PDE2A: variants seen among roughly 807,000 people sequenced by gnomAD.
The protein encoded by PDE2A is phosphodiesterase 2A, also known as cGMP-dependent 3',5'-cyclic phosphodiesterase.
Under a neutral mutation model 133.6 loss-of-function variants are expected in PDE2A, and 53 were observed. The ratio of observed to expected loss-of-function variants is 0.40; its 90% CI spans 0.32 to 0.50. The LOEUF (loss-of-function observed/expected upper bound fraction) is 0.50. Among genes scored for constraint, PDE2A ranks in the 20% least tolerant of loss-of-function variants. The probability of loss-of-function intolerance (pLI) is 0.73; values close to 1 mark genes in which losing one functional copy is unlikely to be tolerated. For missense variants in PDE2A, 796 were observed against 1,232.4 expected, an observed-to-expected ratio of 0.65 and a Z score of 5.30; for synonymous variants, 491 against 490.2, an observed-to-expected ratio of 1.00 and a Z score of -0.02.
intron 25 of PDE2A, among the ~76,000 whole-genome samples, chr11:72,580,245 C>A (rs1232016527): frequency 6.6e-6 from 1 of 152,162 alleles, no homozygotes. Context: ...AGACCTTGTG[C>A]ACGAGGAGGT....
intron 19 of PDE2A, 32 bp downstream of exon 19, chr11:72,584,169 A>AAAAC: frequency 1.1e-6 from 1 of 877,942 alleles, no homozygotes; most frequent in Non-Finnish European, 1.8e-6. Context: ...GCCCCCTATC[A>AAAAC]CCCCACACCC....
At position 72,578,636 on chromosome 11, in the gene PDE2A, T is replaced by C; in HGVS notation, c.2470-122A>G. 1 of 885,596 alleles carries C rather than the reference T, an allele frequency of 1.1e-6. No homozygotes were observed. The highest frequency in any genetic ancestry group is 1.8e-6 in the Non-Finnish European group (1 of 548,432). 54.9% of individuals were successfully genotyped at this position (885,596 alleles called of 1,614,324 possible). A position where few individuals can be genotyped will look rare whatever the true frequency, so the allele number is the denominator to read the frequency against. Reference sequence around the variant, plus strand: ...GGATTCAGTCCCAGCTCAGGAGCCGTCCCCACCAGCCCCAGCTTGGCAGTG... The same window carrying C: ...GGATTCAGTCCCAGCTCAGGAGCCGCCCCCACCAGCCCCAGCTTGGCAGTG... On this transcript the variant is annotated intron_variant, in intron 28 of 30. Transcript: ENST00000334456. This position sits in a 1 kb window ranked among gnomAD's most constrained non-coding sequence, Gnocchi z 4.2.
chr11:72,627,013 C>T (rs2135408178), intron 2 of PDE2A, among the ~76,000 whole-genome samples: 1 of 152,164 alleles, frequency 6.6e-6, no homozygotes, highest in East Asian at 1.9e-4. Context: ...CCTAGCTGGT[C>T]CCTGGCTTCT....
At chr11:72,639,309 G>A (rs745781072) in intron 2 of PDE2A, among the ~76,000 whole-genome samples, 3 of 152,172 alleles carry the variant, frequency 2.0e-5, no homozygotes, top group African/African-American at 4.8e-5. Flanking sequence ...GAACTAAATC[G>A]AGGTCTTCCT....
chr11:72,584,890 C>G lies in PDE2A; in HGVS notation c.1341G>C (p.Gly447=), dbSNP rs201194860. 2.4e-4 allele frequency: 383 copies of G among 1,614,202 alleles called. No individual in the cohort carries two copies. Among genetic ancestry groups the G allele is most frequent in the Non-Finnish European group, 3.1e-4 (363 of 1,180,026 alleles). Residue 447 remains glycine (G), a synonymous_variant, in exon 17 of 31, where the codon GGG becomes GGC. Transcript: ENST00000334456. Reference sequence around the variant, plus strand: ...CTCTCACCTCATCATCCACCACGCCCCCGTCGAACACCTTGGCCACCAGCT... The same window carrying G: ...CTCTCACCTCATCATCCACCACGCCGCCGTCGAACACCTTGGCCACCAGCT... ...QNELVAKVFD[G]GVVDDESYEI...
intron 27 of PDE2A, 54 bp from the exon 28 acceptor site, chr11:72,579,063 G>T: frequency 1.5e-6 from 2 of 1,347,396 alleles, no homozygotes; most frequent in Non-Finnish European, 1.1e-6. Flanking sequence ...TTGCCCTTCT[G>T]AGGACAAGGC....
chr11:72,664,260 C>G (rs1420889538), intron 1 of PDE2A, among the ~76,000 whole-genome samples: 1 of 152,000 alleles, frequency 6.6e-6, no homozygotes, highest in Non-Finnish European at 1.5e-5. Flanking sequence ...TTCCCTTAAG[C>G]CTTCCCCATC....
At chr11:72,638,154 G>A (rs1463027035) in intron 2 of PDE2A, among the ~76,000 whole-genome samples, 4 of 152,162 alleles carry the variant, frequency 2.6e-5, no homozygotes, top group Non-Finnish European at 5.9e-5. Flanking sequence ...AGCAAGAAGT[G>A]CTGTCTTCTG....
chr11:72,641,616 G>GC (rs1026115881), intron 2 of PDE2A, among the ~76,000 whole-genome samples: 3 of 152,282 alleles, frequency 2.0e-5, no homozygotes, highest in Middle Eastern at 3.4e-3. Context: ...AAGAGGAGGG[G>GC]CCCCCCACGA....
At chr11:72,602,872 A>G (rs1184353359) in intron 4 of PDE2A, among the ~76,000 whole-genome samples, 1 of 152,168 alleles carries the variant, frequency 6.6e-6, no homozygotes, top group East Asian at 1.9e-4. Context: ...TCAAGTCCCC[A>G]TCCTGCTGGG....
chr11:72,671,622 G>A (rs554431302), intron 1 of PDE2A, among the ~76,000 whole-genome samples: 1 of 152,286 alleles, frequency 6.6e-6, no homozygotes, highest in South Asian at 2.1e-4. Flanking sequence ...ATGACTGCGG[G>A]GGGTGGGGGT....
At chr11:72,630,658 G>T (rs1386856378) in intron 2 of PDE2A, among the ~76,000 whole-genome samples, 1 of 151,948 alleles carries the variant, frequency 6.6e-6, no homozygotes, top group Non-Finnish European at 1.5e-5. Flanking sequence ...TCCTCCTGGT[G>T]GCCACGTGGA....
Position 72,580,980 on chromosome 11 carries a change from G to T in PDE2A, c.2046-7C>A, listed in dbSNP as rs769110894. On this transcript the variant is annotated splice_polypyrimidine_tract_variant and splice_region_variant and intron_variant, in intron 23 of 30. Transcript: ENST00000334456. ...GGCAAAGATCTCGATGTCCCTGGTTGAGAGGCAGAAAGGAGAAAAAAAAGA... is the reference window on the plus strand; with the variant it reads ...GGCAAAGATCTCGATGTCCCTGGTTTAGAGGCAGAAAGGAGAAAAAAAAGA... 83 of 1,600,620 alleles carry T rather than the reference G, an allele frequency of 5.2e-5. No homozygotes were observed. In the Admixed American group the frequency reaches 8.0e-4, roughly 15 times the overall value.
intron 13 of PDE2A, among the ~76,000 whole-genome samples, chr11:72,587,141 C>T (rs1047674125): frequency 6.6e-6 from 1 of 152,220 alleles, no homozygotes; most frequent in African/African-American, 2.4e-5. Context: ...ACTCTCTTCC[C>T]TCTATGCCCT....
chr11:72,590,500 C>CG lies in PDE2A; in HGVS notation c.629dup (p.Glu211GlyfsTer116). 2 of 1,513,704 alleles carry CG rather than the reference C, an allele frequency of 1.3e-6. No individual in the cohort carries two copies. The highest frequency in any genetic ancestry group is 8.8e-7 in the Non-Finnish European group (1 of 1,135,590). The allele number at this position is 1,513,704 out of a possible 1,614,324, so 93.8% of individuals were successfully genotyped here. ...CCTTCTGGTCTTCCGCCGTCCCCTC[C>CG]GGGGGGTTCTGGACGGCTCGGGGAG... On this transcript the variant is annotated frameshift_variant, in exon 8 of 31. Transcript: ENST00000334456. LOFTEE classifies it high-confidence loss of function. The surrounding 1 kb of genome is among the most constrained non-coding windows in gnomAD (Gnocchi z 4.8).
chr11:72,641,419 G>A (rs1858946895), intron 2 of PDE2A, among the ~76,000 whole-genome samples: 1 of 152,190 alleles, frequency 6.6e-6, no homozygotes, highest in Admixed American at 6.5e-5. Context: ...CAAGAGGAAG[G>A]GGTGGCTGCA....
chr11:72,590,429 C>G lies in PDE2A; in HGVS notation c.701G>C (p.Cys234Ser). 1 of 1,569,604 alleles carries G rather than the reference C, an allele frequency of 6.4e-7. No individual in the cohort carries two copies. The highest frequency in any genetic ancestry group is 8.6e-7 in the Non-Finnish European group (1 of 1,158,358). ...TDRDRKILQL[C>S]GELYDLDASS... ...ACCTGTCCAGGCCGGGCCCTCACCG[C>G]ACAGTTGGAGGATCTTGCGGTCGCG... The change falls in exon 8 of 31, where the codon TGC becomes TCC. Residue 234 changes from cysteine (C) to serine (S), a missense_variant and splice_region_variant. Coordinates refer to ENST00000334456, the MANE Select transcript of PDE2A (RefSeq NM_002599.5). This position sits in a 1 kb window ranked among gnomAD's most constrained non-coding sequence, Gnocchi z 4.8.
chr11:72,639,899 A>G (rs1029078296), intron 2 of PDE2A, among the ~76,000 whole-genome samples: 55 of 152,230 alleles, frequency 3.6e-4, no homozygotes, highest in African/African-American at 1.2e-3. Context: ...GCGTCACTCC[A>G]CAGACATTTA....
chr11:72,658,746 C>T (rs1231271539), intron 1 of PDE2A, among the ~76,000 whole-genome samples: 1 of 152,230 alleles, frequency 6.6e-6, no homozygotes, highest in East Asian at 1.9e-4. Flanking sequence ...TACTGAACAC[C>T]TACTTTGTGC....
Sources: gnomAD v4.1 joint callset for allele counts (sites outside exome capture counted in the v4.1 genomes callset) on GRCh38, gnomAD v4.1.1 for gene constraint, Gnocchi (gnomAD v3.1) non-coding constraint, MANE v1.5 for transcripts, NCBI Gene and HGNC (gene_info 2026-07-23, HGNC 2026-07-21) for gene names.